CNBD1: variants seen among roughly 807,000 people sequenced by gnomAD.
CNBD1 encodes the protein cyclic nucleotide binding domain containing 1.
Under a neutral mutation model 54.4 loss-of-function variants are expected in CNBD1, and 71 were observed. That is an observed-to-expected ratio of 1.30 (90% CI 1.08 to 1.59). The LOEUF (loss-of-function observed/expected upper bound fraction) is 1.59. Ranked by LOEUF, CNBD1 falls within the 40% of genes most tolerant of loss-of-function variation. The probability of loss-of-function intolerance (pLI) is 0.00; values close to 1 mark genes in which losing one functional copy is unlikely to be tolerated. For synonymous variants in CNBD1, 182 were observed against 170.7 expected (o/e 1.07, Z -0.51); for missense variants, 659 against 518.0 (o/e 1.27, Z -2.64).
At chr8:87,302,399 C>G (rs1385143706) in intron 8 of CNBD1, among the ~76,000 whole-genome samples, 1 of 152,036 alleles carries the variant, frequency 6.6e-6, no homozygotes, top group Non-Finnish European at 1.5e-5. Flanking sequence ...ACATGATTAT[C>G]TCAATAGATG....
chr8:87,420,939 T>C (rs1290745133), intron 2 of CNBD1, among the ~76,000 whole-genome samples: 2 of 152,074 alleles, frequency 1.3e-5, no homozygotes, highest in Admixed American at 6.5e-5. Context: ...TTTCAATAAA[T>C]ATTGAATTAA....
chr8:87,113,804 A>G (rs187665222), intron 4 of CNBD1, among the ~76,000 whole-genome samples: 2,200 of 152,072 alleles, frequency 0.014, 45 homozygotes, highest in Middle Eastern at 0.058. Context: ...CTGTAGTCCC[A>G]GCTACTCGGG....
intron 5 of CNBD1, among the ~76,000 whole-genome samples, chr8:87,212,228 G>A (rs1409777638): frequency 6.6e-6 from 1 of 151,966 alleles, no homozygotes; most frequent in Non-Finnish European, 1.5e-5. Context: ...TAAATAGAAA[G>A]TAATCCAATA....
chr8:86,989,838 TC>T (rs1808702753), intron 4 of CNBD1, among the ~76,000 whole-genome samples: 1 of 152,158 alleles, frequency 6.6e-6, no homozygotes, highest in African/African-American at 2.4e-5. Context: ...TTTCTCCACA[TC>T]CTTGCCAGCA....
chr8:87,428,551 G>A (rs1013717902), exon 3 of CNBD1: 1 of 451,362 alleles, frequency 2.2e-6, no homozygotes, highest in African/African-American at 2.0e-5. Flanking sequence ...TCTAGAATTA[G>A]ACCCAGTGAC....
At chr8:86,990,831 A>G (rs575321391) in intron 4 of CNBD1, among the ~76,000 whole-genome samples, 2 of 152,252 alleles carry the variant, frequency 1.3e-5, no homozygotes, top group South Asian at 4.1e-4. Context: ...AACATGGAAT[A>G]TCTTTTTCAT....
intron 6 of CNBD1, among the ~76,000 whole-genome samples, chr8:87,282,108 T>G: frequency 6.6e-6 from 1 of 151,858 alleles, no homozygotes; most frequent in South Asian, 2.1e-4. Context: ...CATCACTTTA[T>G]TTTTTTGTCA....
intron 2 of CNBD1, among the ~76,000 whole-genome samples, chr8:87,406,150 C>T (rs140896092): frequency 1.3e-5 from 2 of 152,118 alleles, no homozygotes; most frequent in Non-Finnish European, 2.9e-5. Flanking sequence ...TTTAAAAGAT[C>T]ATTAATTTAA....
intron 4 of CNBD1, among the ~76,000 whole-genome samples, chr8:87,192,910 C>T (rs1773074764): frequency 2.0e-5 from 3 of 152,160 alleles, no homozygotes; most frequent in Admixed American, 2.0e-4. Flanking sequence ...AATACAACTG[C>T]CCTTGCCCAA....
At chr8:86,964,264 A>T (rs1215638924) in intron 4 of CNBD1, among the ~76,000 whole-genome samples, 1 of 152,148 alleles carries the variant, frequency 6.6e-6, no homozygotes, top group Non-Finnish European at 1.5e-5. Context: ...CTTGCAAGCC[A>T]TCCAATATGC....
intron 4 of CNBD1, among the ~76,000 whole-genome samples, chr8:87,047,620 T>G (rs919095845): frequency 3.9e-5 from 6 of 152,254 alleles, no homozygotes; most frequent in Admixed American, 3.3e-4. Context: ...ACTGTCTGTC[T>G]GCTTTTCCAC....
At chr8:87,396,261 G>A (rs1397447679) in intron 2 of CNBD1, among the ~76,000 whole-genome samples, 1 of 151,860 alleles carries the variant, frequency 6.6e-6, no homozygotes, top group African/African-American at 2.4e-5. Context: ...GCAGGTGTTT[G>A]TCTATAGTTT....
chr8:86,907,293 C>T (rs1190223203), intron 3 of CNBD1, among the ~76,000 whole-genome samples: 5 of 152,182 alleles, frequency 3.3e-5, no homozygotes, highest in African/African-American at 1.2e-4. Flanking sequence ...GAACCACATG[C>T]CCACCTGAAG....
At chr8:87,204,790 C>T (rs929078789) in intron 4 of CNBD1, among the ~76,000 whole-genome samples, 1 of 152,102 alleles carries the variant, frequency 6.6e-6, no homozygotes, top group African/African-American at 2.4e-5. Flanking sequence ...TCCTGTTTGG[C>T]TGCTAAGTCA....
At chr8:87,318,043 AAATTT>A (rs1361037860) in intron 8 of CNBD1, among the ~76,000 whole-genome samples, 10 of 151,972 alleles carry the variant, frequency 6.6e-5, no homozygotes, top group Admixed American at 1.3e-4. Flanking sequence ...CCATCTCTAG[AAATTT>A]AATTTGACTC....
chr8:86,986,599 G>A (rs1808612897), intron 4 of CNBD1, among the ~76,000 whole-genome samples: 1 of 152,096 alleles, frequency 6.6e-6, no homozygotes, highest in Admixed American at 6.6e-5. Context: ...AGCTAGCATT[G>A]AAAAGGATAT....
At chr8:87,035,817 T>C (rs1003257734) in intron 4 of CNBD1, among the ~76,000 whole-genome samples, 2 of 152,162 alleles carry the variant, frequency 1.3e-5, no homozygotes, top group Admixed American at 6.5e-5. Flanking sequence ...TGTTTCTATC[T>C]TGTGGCTCAG....
At chr8:87,026,516 G>A (rs1026800478) in intron 4 of CNBD1, among the ~76,000 whole-genome samples, 5 of 151,970 alleles carry the variant, frequency 3.3e-5, no homozygotes, top group Non-Finnish European at 5.9e-5. Flanking sequence ...CTAATCTTCA[G>A]ATTATTGGTT....
At chr8:87,274,403 C>T (rs1418499568) in intron 6 of CNBD1, among the ~76,000 whole-genome samples, 2 of 144,080 alleles carry the variant, frequency 1.4e-5, no homozygotes, top group Non-Finnish European at 3.0e-5. Context: ...TAAAAGTGTG[C>T]CTATTTCTCC....
Sources: allele counts gnomAD v4.1 joint callset (sites outside exome capture counted in the v4.1 genomes callset), GRCh38; gene constraint gnomAD v4.1.1; transcripts MANE v1.5; gene names NCBI Gene and HGNC (gene_info 2026-07-23, HGNC 2026-07-21).